Variants in CA10 observed in about 807,000 individuals in gnomAD.
CA10 encodes carbonic anhydrase 10 (inactive).
CA10 carries 14 observed loss-of-function variants against 44.2 expected under a neutral mutation model. The observed-to-expected ratio is 0.32, with a 90% confidence interval of 0.21 to 0.50. The LOEUF (loss-of-function observed/expected upper bound fraction) is 0.50, where lower values mean the gene tolerates loss of function less well. Ranked by LOEUF, CA10 falls within the 20% of genes least tolerant of loss-of-function variation. The pLI is 0.99. For missense variants in CA10, 350 were observed against 409.7 expected, an observed-to-expected ratio of 0.85 and a Z score of 1.26; for synonymous variants, 159 against 141.6, an observed-to-expected ratio of 1.12 and a Z score of -0.87.
chr17:51,690,911 CT>C (rs143224092), intron 4 of CA10, among the ~76,000 whole-genome samples: 12,797 of 151,042 alleles, frequency 0.085, 1,798 homozygotes, highest in African/African-American at 0.29. Context: ...AATTTCCTTC[CT>C]TTTTTTTTAA....
At chr17:51,832,017 C>A (rs1908301792) in intron 3 of CA10, among the ~76,000 whole-genome samples, 1 of 152,178 alleles carries the variant, frequency 6.6e-6, no homozygotes, top group Non-Finnish European at 1.5e-5. Context: ...AGGGAGATTT[C>A]CTAGAAGATT....
At chr17:52,044,078 T>C (rs983251236) in intron 2 of CA10, among the ~76,000 whole-genome samples, 1 of 152,084 alleles carries the variant, frequency 6.6e-6, no homozygotes, top group Non-Finnish European at 1.5e-5. Flanking sequence ...TAAAATTAGT[T>C]TGGGAGAATT....
intron 4 of CA10, among the ~76,000 whole-genome samples, chr17:51,705,606 A>G (rs1915739246): frequency 6.6e-6 from 1 of 151,988 alleles, no homozygotes; most frequent in Non-Finnish European, 1.5e-5. Flanking sequence ...TAGCATCCTT[A>G]TTGGGGTAAT....
chr17:52,025,612 A>T (rs976186758), intron 2 of CA10, among the ~76,000 whole-genome samples: 5 of 152,124 alleles, frequency 3.3e-5, no homozygotes, highest in African/African-American at 1.2e-4. Flanking sequence ...TCTAAGTGCC[A>T]CTTAAACCAA....
intron 2 of CA10, among the ~76,000 whole-genome samples, chr17:51,958,110 G>C (rs1983735589): frequency 2.0e-5 from 3 of 152,220 alleles, no homozygotes; most frequent in South Asian, 4.1e-4. Flanking sequence ...CTAACATATA[G>C]TAAGTGTTCA....
At chr17:51,830,779 T>A (rs1202991883) in intron 3 of CA10, among the ~76,000 whole-genome samples, 1 of 152,200 alleles carries the variant, frequency 6.6e-6, no homozygotes, top group Non-Finnish European at 1.5e-5. Context: ...TTGTGTCATC[T>A]AGTAGATATT....
intron 3 of CA10, among the ~76,000 whole-genome samples, chr17:51,820,197 CCA>C (rs386797677): frequency 2.2e-5 from 3 of 134,190 alleles, no homozygotes; most frequent in Non-Finnish European, 3.2e-5. Context: ...CCCCCCCCCC[CCA>C]GGTAATACCC....
At chr17:51,948,256 G>T (rs1983357450) in intron 2 of CA10, among the ~76,000 whole-genome samples, 1 of 152,144 alleles carries the variant, frequency 6.6e-6, no homozygotes. Flanking sequence ...TGCTTTGTCA[G>T]CTCATTCCTG....
At chr17:51,972,044 G>A (rs946341823) in intron 2 of CA10, among the ~76,000 whole-genome samples, 6 of 151,522 alleles carry the variant, frequency 4.0e-5, no homozygotes, top group South Asian at 4.2e-4. Context: ...TTGCAGCCTC[G>A]GAGGAAGAAA....
chr17:51,856,994 G>C (rs1427034249), intron 3 of CA10, among the ~76,000 whole-genome samples: 1 of 152,206 alleles, frequency 6.6e-6, no homozygotes, highest in South Asian at 2.1e-4. Context: ...TGTGTTACAG[G>C]AGACAAACAG....
intron 3 of CA10, among the ~76,000 whole-genome samples, chr17:51,766,529 G>C (rs1016782700): frequency 6.6e-6 from 1 of 152,160 alleles, no homozygotes; most frequent in African/African-American, 2.4e-5. Flanking sequence ...TGTTGGGCAG[G>C]TTGCTTAACT....
At chr17:51,904,213 T>C (rs74967837) in intron 3 of CA10, among the ~76,000 whole-genome samples, 1 of 149,472 alleles carries the variant, frequency 6.7e-6, no homozygotes, top group Non-Finnish European at 1.5e-5. Context: ...AAAAAAAAAC[T>C]CTTATTATAT....
At chr17:51,922,806 T>G (rs1466067980) in intron 3 of CA10, among the ~76,000 whole-genome samples, 3 of 152,192 alleles carry the variant, frequency 2.0e-5, no homozygotes, top group Non-Finnish European at 4.4e-5. Flanking sequence ...TGTCTGACAA[T>G]GCCTAGCTTT....
chr17:52,022,728 G>T (rs972407145), intron 2 of CA10, among the ~76,000 whole-genome samples: 2 of 151,858 alleles, frequency 1.3e-5, no homozygotes, highest in South Asian at 2.1e-4. Context: ...CCATTTAAAG[G>T]CTCCTAAAAC....
chr17:51,696,450 T>C (rs974600094), intron 4 of CA10, among the ~76,000 whole-genome samples: 1 of 152,214 alleles, frequency 6.6e-6, no homozygotes, highest in Non-Finnish European at 1.5e-5. Context: ...TCGCAGTTTC[T>C]GATTGTGCTT....
rs1360873929 is a variant in CA10, at chr17:52,078,468, AGAG to A, written c.62-6078_62-6076del. ...AACTAGCAAAGATGAAGCCAGATAT[AGAG>A]GAGAGGCAGAGTACATACACTGCTA... On this transcript the variant is annotated intron_variant, in intron 1 of 8. Coordinates refer to ENST00000451037, the MANE Select transcript of CA10 (RefSeq NM_020178.5). 2.6e-5 allele frequency among the ~76,000 whole-genome samples: 4 copies of A among 152,338 alleles called. No individual in the cohort carries two copies. The East Asian group carries it at 7.7e-4, about 29-fold the overall frequency.
intron 2 of CA10, among the ~76,000 whole-genome samples, chr17:51,941,226 A>G (rs894543860): frequency 6.6e-6 from 1 of 152,134 alleles, no homozygotes; most frequent in Non-Finnish European, 1.5e-5. Flanking sequence ...ATTAAGATGA[A>G]TTAAGCTGCC....
intron 2 of CA10, among the ~76,000 whole-genome samples, chr17:51,971,991 G>A (rs1176439782): frequency 1.3e-5 from 2 of 151,960 alleles, no homozygotes; most frequent in Non-Finnish European, 2.9e-5. Context: ...TCACACTAGA[G>A]TGGGATTAAA....
chr17:51,648,801 A>G (rs1038215052), intron 6 of CA10, among the ~76,000 whole-genome samples: 2 of 152,090 alleles, frequency 1.3e-5, no homozygotes, highest in African/African-American at 4.8e-5. Context: ...GCTTCTGTAA[A>G]TGTTGCGATT....
Sources: allele counts gnomAD v4.1 joint callset (sites outside exome capture counted in the v4.1 genomes callset), GRCh38; gene constraint gnomAD v4.1.1; transcripts MANE v1.5; gene names NCBI Gene and HGNC (gene_info 2026-07-23, HGNC 2026-07-21).